Variants in DGKB observed in about 807,000 individuals in gnomAD.
The protein encoded by DGKB is diacylglycerol kinase beta.
In DGKB, 67 loss-of-function variants were observed where a neutral mutation model predicts 114.3. That is an observed-to-expected ratio of 0.59 (90% confidence interval 0.48 to 0.72). The LOEUF (loss-of-function observed/expected upper bound fraction) is 0.72. Among genes scored for constraint, DGKB ranks in the 30% least tolerant of loss-of-function variants. The pLI, the probability that DGKB is intolerant of heterozygous loss-of-function variation, is 0.00. For synonymous variants in DGKB, 398 were observed against 323.1 expected (o/e 1.23, Z -2.49); for missense variants, 907 against 975.2 (o/e 0.93, Z 0.93).
chr7:14,767,493 A>G (rs1836641567), intron 2 of DGKB, among the ~76,000 whole-genome samples: 1 of 151,872 alleles, frequency 6.6e-6, no homozygotes, highest in Non-Finnish European at 1.5e-5. Context: ...TATCATCATC[A>G]TCTGTGCCAT....
intron 8 of DGKB, 124 bp downstream of exon 8, chr7:14,697,971 A>C (rs989842132): frequency 3.9e-5 from 25 of 637,164 alleles, no homozygotes; most frequent in Non-Finnish European, 6.4e-5. Context: ...GAAGGAAAGA[A>C]AGAAAGAAAG....
chr7:14,966,354 A>G (rs36918), intron 1 of DGKB, among the ~76,000 whole-genome samples: 81,087 of 151,870 alleles, frequency 0.53, 23,242 homozygotes, highest in African/African-American at 0.74. Flanking sequence ...TGGTACTATC[A>G]GAATGGATTC....
At chr7:14,644,130 A>AG (rs1812432707) in intron 13 of DGKB, among the ~76,000 whole-genome samples, 1 of 151,456 alleles carries the variant, frequency 6.6e-6, no homozygotes, top group South Asian at 2.1e-4. Context: ...AAAAAAAAAA[A>AG]TCATATGGAG....
chr7:14,677,712 A>G (rs1820114135), intron 12 of DGKB, among the ~76,000 whole-genome samples: 2 of 152,058 alleles, frequency 1.3e-5, no homozygotes. Context: ...ATGAACAGGT[A>G]TAAGCAGTGG....
intron 21 of DGKB, among the ~76,000 whole-genome samples, chr7:14,386,745 T>A (rs1042642314): frequency 6.6e-6 from 1 of 152,262 alleles, no homozygotes; most frequent in African/African-American, 2.4e-5. Context: ...CAGGTACAAC[T>A]CTCTCAGGAG....
intron 1 of DGKB, among the ~76,000 whole-genome samples, chr7:14,958,788 G>T (rs1030738486): frequency 6.6e-6 from 1 of 152,040 alleles, no homozygotes; most frequent in Admixed American, 6.6e-5. Context: ...GCTGGATGTT[G>T]TGAGGATGTT....
Position 14,621,497 on chromosome 7 carries a change from G to A in DGKB, c.1168-3C>T, listed in dbSNP as rs1450365176. 2 of 1,544,044 alleles carry A rather than the reference G, an allele frequency of 1.3e-6. No homozygotes were observed. The highest frequency in any genetic ancestry group is 1.9e-5 in the Admixed American group (1 of 51,370). On this transcript the variant is annotated splice_region_variant and splice_polypyrimidine_tract_variant and intron_variant, in intron 14 of 25. Transcript: ENST00000402815. ...TTTTTCACTGTTGATTGTCTTTCCT[G>A]TAAAAAAGAAAATTTTGATAAAAAT...
At chr7:14,545,640 G>A (rs12666606) in intron 20 of DGKB, among the ~76,000 whole-genome samples, 5,899 of 152,212 alleles carry the variant, frequency 0.039, 206 homozygotes, top group East Asian at 0.2. Flanking sequence ...TCTCACACTT[G>A]GAATCCTCAC....
chr7:14,251,042 T>C (rs550522036), intron 23 of DGKB, among the ~76,000 whole-genome samples: 1 of 152,256 alleles, frequency 6.6e-6, no homozygotes, highest in East Asian at 1.9e-4. Context: ...GTGAGTCTCT[T>C]TTAGGAGGTG....
chr7:14,814,040 T>C (rs919784177), intron 2 of DGKB: 1 of 152,220 alleles, frequency 6.6e-6, no homozygotes, highest in Non-Finnish European at 1.5e-5. Context: ...TATTTTAGTT[T>C]ATTTTCTAGT....
chr7:14,769,406 C>A (rs1364806495), intron 2 of DGKB, among the ~76,000 whole-genome samples: 4 of 151,918 alleles, frequency 2.6e-5, no homozygotes, highest in Admixed American at 1.3e-4. Flanking sequence ...CTAAAGCAGT[C>A]TTCAAAGTGA....
At chr7:14,825,725 C>A (rs568209996) in intron 2 of DGKB, among the ~76,000 whole-genome samples, 1 of 152,256 alleles carries the variant, frequency 6.6e-6, no homozygotes, top group South Asian at 2.1e-4. Context: ...TTGAGGACCC[C>A]TGTTTTAGAT....
At chr7:14,566,923 T>C (rs1797470156) in intron 20 of DGKB, among the ~76,000 whole-genome samples, 1 of 151,448 alleles carries the variant, frequency 6.6e-6, no homozygotes, top group Non-Finnish European at 1.5e-5. Context: ...GATCTACGGT[T>C]GATGTCCTTC....
At chr7:14,537,301 C>A (rs184256313) in intron 20 of DGKB, among the ~76,000 whole-genome samples, 2 of 152,036 alleles carry the variant, frequency 1.3e-5, no homozygotes, top group Non-Finnish European at 2.9e-5. Context: ...TATTTTTATA[C>A]AGAAATAGAA....
intron 21 of DGKB, among the ~76,000 whole-genome samples, chr7:14,406,522 C>T (rs1475863457): frequency 1.3e-5 from 2 of 152,026 alleles, no homozygotes; most frequent in Non-Finnish European, 2.9e-5. Context: ...ACAGCACTTA[C>T]AGGCTCTAAA....
At chr7:14,951,062 T>C (rs562269517) in intron 1 of DGKB, among the ~76,000 whole-genome samples, 1 of 152,128 alleles carries the variant, frequency 6.6e-6, no homozygotes, top group African/African-American at 2.4e-5. Context: ...TCATGATTAG[T>C]GGAAAAATCA....
chr7:14,188,724 G>T (rs1393768223), intron 23 of DGKB, among the ~76,000 whole-genome samples: 1 of 149,882 alleles, frequency 6.7e-6, no homozygotes, highest in Non-Finnish European at 1.5e-5. Flanking sequence ...TTCTCTCTGA[G>T]GCATATTATA....
At chr7:14,661,281 G>A (rs1164092775) in intron 13 of DGKB, among the ~76,000 whole-genome samples, 1 of 146,130 alleles carries the variant, frequency 6.8e-6, no homozygotes, top group African/African-American at 2.5e-5. Flanking sequence ...TACAGAATGG[G>A]AGAAAATTTT....
At chr7:14,266,825 G>T (rs1797586768) in intron 23 of DGKB, among the ~76,000 whole-genome samples, 1 of 152,062 alleles carries the variant, frequency 6.6e-6, no homozygotes, top group South Asian at 2.1e-4. Flanking sequence ...ACCTTATAAG[G>T]TGATCATTCT....
Sources: gnomAD v4.1 joint callset for allele counts (sites outside exome capture counted in the v4.1 genomes callset) on GRCh38, gnomAD v4.1.1 for gene constraint, MANE v1.5 for transcripts, NCBI Gene and HGNC (gene_info 2026-07-23, HGNC 2026-07-21) for gene names.